Variants in PPTC7 observed in about 807,000 individuals in gnomAD.
PPTC7 encodes the protein protein phosphatase targeting COQ7.
Under a neutral mutation model 30.8 loss-of-function variants are expected in PPTC7, and 6 were observed. The observed-to-expected ratio is 0.19, with a 90% CI of 0.11 to 0.38. The LOEUF is 0.38. PPTC7 is among the 10% of genes least tolerant of loss of function. The probability of loss-of-function intolerance (pLI) is 1.00; values close to 1 mark genes in which losing one functional copy is unlikely to be tolerated. For synonymous variants in PPTC7, 163 were observed against 168.1 expected, an observed-to-expected ratio of 0.97 and a Z score of 0.23; for missense variants, 218 against 404.8, an observed-to-expected ratio of 0.54 and a Z score of 3.96.
intron 1 of PPTC7, among the ~76,000 whole-genome samples, chr12:110,553,133 A>C (rs1018615416): frequency 1.3e-4 from 19 of 142,452 alleles, no homozygotes; most frequent in Admixed American, 7.6e-4. Flanking sequence ...CGGTGAGCCG[A>C]GATCGCGCCA....
intron 4 of PPTC7, 38 bp downstream of exon 4, chr12:110,539,784 G>A: frequency 6.2e-7 from 1 of 1,603,168 alleles, no homozygotes; most frequent in Non-Finnish European, 8.5e-7. Context: ...ATCCAGAGAG[G>A]GCCACTTTTC....
intron 3 of PPTC7, among the ~76,000 whole-genome samples, chr12:110,542,331 T>G (rs2064267856): frequency 6.7e-6 from 1 of 148,658 alleles, no homozygotes; most frequent in Admixed American, 6.7e-5. Flanking sequence ...CACACAGACA[T>G]GGATGCTTCT....
rs953554549 is a variant in PPTC7 at position 110,539,933 on chromosome 12, A to G, written c.615T>C (p.Ala205=). Reference sequence around the variant, plus strand: ...GCTGGACATCGAAAGACGTGCTATCAGCAGCATCCGGACTGTGGCAAGGAC... The same window carrying G: ...GCTGGACATCGAAAGACGTGCTATCGGCAGCATCCGGACTGTGGCAAGGAC... ...GVVLSDSPDA[A]DSTSFDVQLG... The change falls in exon 4 of 6, where the codon GCT becomes GCC. Residue 205 remains alanine (A), a synonymous_variant. Transcript: ENST00000354300. 7.4e-6 allele frequency: 12 copies of G among 1,613,994 alleles called. No homozygotes were observed. Among genetic ancestry groups the G allele is most frequent in the Non-Finnish European group, 1.0e-5 (12 of 1,179,980 alleles).
chr12:110,579,606 G>C (rs2064619424), intron 1 of PPTC7, among the ~76,000 whole-genome samples: 1 of 152,162 alleles, frequency 6.6e-6, no homozygotes, highest in African/African-American at 2.4e-5. Context: ...GTGAATCAAG[G>C]AAAGCTAAAA....
In PPTC7 at chr12:110,569,087, C is replaced by T. The variant is rs897098330; in HGVS notation, c.223+13722G>A. ...GTGGCTCACGCCTGTAATCCCAACA[C>T]TTTGGGTGGCCAAGGTGGACAGATC... is the stretch of plus-strand genomic sequence containing the variant. On this transcript the variant is annotated intron_variant, in intron 1 of 5. Transcript: ENST00000354300. Among the ~76,000 whole-genome samples, 168 of 146,490 alleles carry T rather than the reference C, an allele frequency of 1.1e-3. 2 individuals are homozygous for T. Among genetic ancestry groups the T allele is most frequent in the Non-Finnish European group, 3.1e-4 (21 of 67,224 alleles).
chr12:110,579,700 T>C (rs1398839422), intron 1 of PPTC7, among the ~76,000 whole-genome samples: 3 of 152,042 alleles, frequency 2.0e-5, no homozygotes, highest in African/African-American at 7.2e-5. Flanking sequence ...GAACAAAGGG[T>C]GCCATCTATT....
intron 1 of PPTC7, among the ~76,000 whole-genome samples, chr12:110,574,205 C>T (rs1421781197): frequency 7.1e-6 from 1 of 141,606 alleles, no homozygotes; most frequent in African/African-American, 2.6e-5. Flanking sequence ...AGCAAGAGAC[C>T]TAGGTTCAAG....
At chr12:110,579,787 T>C (rs1414038531) in intron 1 of PPTC7, among the ~76,000 whole-genome samples, 1 of 152,050 alleles carries the variant, frequency 6.6e-6, no homozygotes, top group Non-Finnish European at 1.5e-5. Flanking sequence ...CCGAGGCTGG[T>C]GGATCACCTG....
At chr12:110,578,883 C>CA (rs1275911944) in intron 1 of PPTC7, among the ~76,000 whole-genome samples, 3 of 152,174 alleles carry the variant, frequency 2.0e-5, no homozygotes, top group Admixed American at 6.5e-5. Context: ...CTGTGGCTCA[C>CA]ACCTGTAATC....
At chr12:110,540,859 T>A (rs2064253636) in intron 3 of PPTC7, among the ~76,000 whole-genome samples, 1 of 151,138 alleles carries the variant, frequency 6.6e-6, no homozygotes, top group Non-Finnish European at 1.5e-5. Flanking sequence ...CACTGCGAGC[T>A]CCGCTTCCTG....
chr12:110,550,219 GC>G (rs1259680990), intron 2 of PPTC7, among the ~76,000 whole-genome samples: 3 of 151,128 alleles, frequency 2.0e-5, no homozygotes, highest in Non-Finnish European at 2.9e-5. Flanking sequence ...CTAAACAGGG[GC>G]TGATTTTTTT....
intron 1 of PPTC7, among the ~76,000 whole-genome samples, chr12:110,559,418 T>C (rs1457024085): frequency 2.0e-5 from 3 of 151,942 alleles, no homozygotes; most frequent in Admixed American, 2.0e-4. Flanking sequence ...AAAAATTTTT[T>C]TTTTTTTTTA....
chr12:110,573,543 C>G (rs1361916739), intron 1 of PPTC7, among the ~76,000 whole-genome samples: 3 of 152,124 alleles, frequency 2.0e-5, no homozygotes, highest in Non-Finnish European at 4.4e-5. Context: ...TTTTTAATAA[C>G]ATGTATACAA....
chr12:110,561,336 T>TG (rs928966445), intron 1 of PPTC7, among the ~76,000 whole-genome samples: 5 of 152,204 alleles, frequency 3.3e-5, no homozygotes, highest in African/African-American at 1.2e-4. Context: ...TTTTTTGAGA[T>TG]GGAGTCTCAC....
chr12:110,535,826 G>A lies in PPTC7; in HGVS notation c.*1211C>T, dbSNP rs931427423. The A allele has an allele frequency of 3.9e-5, 6 of 152,584 alleles. No individual in the cohort carries two copies. Among genetic ancestry groups the A allele is most frequent in the African/African-American group, 4.8e-5 (2 of 41,442 alleles). 9.5% of individuals were successfully genotyped at this position (152,584 alleles called of 1,614,324 possible). ...TGCAGATAATGTGAAAACTGAATGC[G>A]GGGTAGTTTTGTAAGGAAACTATAC... On this transcript the variant is annotated 3_prime_UTR_variant, in exon 6 of 6. Coordinates refer to ENST00000354300, the MANE Select transcript of PPTC7 (RefSeq NM_139283.2).
chr12:110,564,473 T>C (rs925789982), intron 1 of PPTC7, among the ~76,000 whole-genome samples: 1 of 152,222 alleles, frequency 6.6e-6, no homozygotes, highest in Non-Finnish European at 1.5e-5. Flanking sequence ...GTTTATAATT[T>C]ACAAGATTAG....
chr12:110,572,557 T>C (rs1489314248), intron 1 of PPTC7, among the ~76,000 whole-genome samples: 2 of 152,264 alleles, frequency 1.3e-5, no homozygotes, highest in Non-Finnish European at 2.9e-5. Flanking sequence ...TGCAAACGTG[T>C]GTTGGAATTC....
At chr12:110,563,556 G>A (rs2064456193) in intron 1 of PPTC7, among the ~76,000 whole-genome samples, 1 of 151,944 alleles carries the variant, frequency 6.6e-6, no homozygotes, top group South Asian at 2.1e-4. Context: ...CAGAGGTTGT[G>A]GTGAGCCGAG....
intron 1 of PPTC7, among the ~76,000 whole-genome samples, chr12:110,557,285 GTTTTC>G (rs1358616156): frequency 2.6e-5 from 4 of 152,096 alleles, no homozygotes; most frequent in East Asian, 1.9e-4. Flanking sequence ...TAGTAGTTTT[GTTTTC>G]TTTTAAGAGA....
Sources: allele counts gnomAD v4.1 joint callset (sites outside exome capture counted in the v4.1 genomes callset), GRCh38; gene constraint gnomAD v4.1.1; transcripts MANE v1.5; gene names NCBI Gene and HGNC (gene_info 2026-07-23, HGNC 2026-07-21).